RMDN2: variants seen among roughly 807,000 people sequenced by gnomAD.
RMDN2 encodes regulator of microtubule dynamics protein 2.
Under a neutral mutation model 52.8 loss-of-function variants are expected in RMDN2, and 61 were observed. The ratio of observed to expected loss-of-function variants is 1.16; its 90% CI spans 0.94 to 1.43. The LOEUF is 1.43. RMDN2 is among the 40% of genes most tolerant of loss of function. The probability of loss-of-function intolerance (pLI) is 0.00; values close to 1 mark genes in which losing one functional copy is unlikely to be tolerated. For synonymous variants in RMDN2, 180 were observed against 153.1 expected (o/e 1.18, Z -1.30); for missense variants, 592 against 475.3 (o/e 1.25, Z -2.28).
rs189664861 is a variant in RMDN2, at chr2:37,950,683, A to G, written c.452+20954A>G. On this transcript the variant is annotated intron_variant, in intron 2 of 10. Transcript: ENST00000354545. ...GCTTTAGTGCTCTCCTTTGTTTCCC[A>G]TAATAACTGGATATCCTGGACTGTC... The G allele has an allele frequency of 4.2e-5, 54 of 1,287,756 alleles. 1 individual carries two copies. In the African/African-American group the frequency reaches 5.4e-4, roughly 13 times the overall value. 79.8% of individuals were successfully genotyped at this position (1,287,756 alleles called of 1,614,324 possible).
chr2:38,038,583 C>T (rs1165723655), intron 10 of RMDN2, among the ~76,000 whole-genome samples: 1 of 152,210 alleles, frequency 6.6e-6, no homozygotes, highest in Non-Finnish European at 1.5e-5. Context: ...GCATGGTTTG[C>T]ACTCTTTTAT....
At chr2:37,939,047 C>G (rs148098451) in intron 2 of RMDN2, among the ~76,000 whole-genome samples, 2 of 152,090 alleles carry the variant, frequency 1.3e-5, no homozygotes, top group Admixed American at 6.5e-5. Context: ...CTATAAATTT[C>G]CCTCTAATCA....
intron 10 of RMDN2, chr2:38,066,900 C>A: frequency 1.5e-6 from 2 of 1,321,958 alleles, no homozygotes; most frequent in Non-Finnish European, 2.2e-6. Context: ...TACCTTCTGG[C>A]TGCTAAAGTG....
chr2:37,948,379 C>T (rs1475266729), intron 2 of RMDN2, among the ~76,000 whole-genome samples: 1 of 152,004 alleles, frequency 6.6e-6, no homozygotes, highest in Non-Finnish European at 1.5e-5. Flanking sequence ...TCATTGGGCA[C>T]AGTGAGTATA....
chr2:37,988,172 A>T (rs1674292757), intron 5 of RMDN2, among the ~76,000 whole-genome samples: 1 of 152,252 alleles, frequency 6.6e-6, no homozygotes, highest in Non-Finnish European at 1.5e-5. Context: ...GCTCCAAAAC[A>T]TAGTTTATTA....
intron 3 of RMDN2, among the ~76,000 whole-genome samples, chr2:37,974,446 G>A (rs939891083): frequency 6.7e-6 from 1 of 149,724 alleles, no homozygotes; most frequent in Non-Finnish European, 1.5e-5. Flanking sequence ...ATAAAAATGA[G>A]AACCAGAGCT....
intron 10 of RMDN2, among the ~76,000 whole-genome samples, chr2:38,027,590 G>C (rs186659353): frequency 7.0e-4 from 106 of 152,166 alleles, no homozygotes; most frequent in African/African-American, 2.5e-3. Flanking sequence ...TGACATACTT[G>C]TACTATGGAA....
At chr2:37,997,727 A>G in intron 8 of RMDN2, 1 of 491,404 alleles carries the variant, frequency 2.0e-6, no homozygotes, top group Non-Finnish European at 3.6e-6. Flanking sequence ...AGGTTCTAGG[A>G]ATTACAAACT....
chr2:37,978,882 G>T (rs1672934017), intron 4 of RMDN2, among the ~76,000 whole-genome samples: 2 of 152,202 alleles, frequency 1.3e-5, no homozygotes, highest in African/African-American at 4.8e-5. Flanking sequence ...GGAGGTTGAT[G>T]CAGGGAAGTC....
chr2:38,065,646 T>A (rs1479806227), intron 10 of RMDN2, among the ~76,000 whole-genome samples: 3 of 152,230 alleles, frequency 2.0e-5, no homozygotes, highest in Non-Finnish European at 4.4e-5. Flanking sequence ...ACGGAAGGGT[T>A]CTGATGAGCC....
chr2:37,977,255 AGTAACAATC>A (rs1412728191), intron 4 of RMDN2, among the ~76,000 whole-genome samples: 1 of 152,244 alleles, frequency 6.6e-6, no homozygotes, highest in Admixed American at 6.5e-5. Context: ...TTCTACACAC[AGTAACAATC>A]TGATCTCTCT....
chr2:37,962,669 T>A (rs1221976994), intron 2 of RMDN2, among the ~76,000 whole-genome samples: 9 of 152,068 alleles, frequency 5.9e-5, no homozygotes, highest in Non-Finnish European at 1.0e-4. Flanking sequence ...CCTGACTCCC[T>A]GGCTTTTGCC....
intron 2 of RMDN2, among the ~76,000 whole-genome samples, chr2:37,962,407 A>G (rs1670362169): frequency 6.6e-6 from 1 of 152,198 alleles, no homozygotes. Context: ...GGAGGAATCT[A>G]GAGAGGCAGT....
intron 2 of RMDN2, among the ~76,000 whole-genome samples, chr2:37,943,250 A>G (rs1258099355): frequency 1.3e-5 from 2 of 152,236 alleles, no homozygotes; most frequent in Non-Finnish European, 2.9e-5. Flanking sequence ...CCAGTACTGA[A>G]GAAGTGGACA....
At chr2:37,957,822 A>G (rs1022297958) in intron 2 of RMDN2, among the ~76,000 whole-genome samples, 5 of 152,100 alleles carry the variant, frequency 3.3e-5, no homozygotes, top group African/African-American at 9.7e-5. Flanking sequence ...TGATTTTTGT[A>G]TAAGGTATAA....
At chr2:37,965,017 G>A (rs970030895) in intron 2 of RMDN2, among the ~76,000 whole-genome samples, 3 of 152,026 alleles carry the variant, frequency 2.0e-5, no homozygotes, top group Non-Finnish European at 4.4e-5. Context: ...TTGACTTAAA[G>A]TCTATTTTGT....
intron 5 of RMDN2, among the ~76,000 whole-genome samples, chr2:37,987,993 A>G (rs1674264339): frequency 6.6e-6 from 1 of 152,194 alleles, no homozygotes; most frequent in Non-Finnish European, 1.5e-5. Context: ...TGGGAGGCAG[A>G]GGTTGCAGTG....
intron 10 of RMDN2, among the ~76,000 whole-genome samples, chr2:38,057,789 C>A (rs1039772627): frequency 2.1e-4 from 32 of 152,156 alleles, no homozygotes; most frequent in African/African-American, 7.7e-4. Context: ...GTAGCACCTT[C>A]CCCCTCCCTC....
chr2:37,956,675 A>G (rs1031432604), intron 2 of RMDN2, among the ~76,000 whole-genome samples: 1 of 150,172 alleles, frequency 6.7e-6, no homozygotes, highest in Non-Finnish European at 1.5e-5. Flanking sequence ...TTTTTATTAT[A>G]CTTTTAAGTT....
Sources: allele counts gnomAD v4.1 joint callset (sites outside exome capture counted in the v4.1 genomes callset), GRCh38; gene constraint gnomAD v4.1.1; transcripts MANE v1.5; gene names NCBI Gene and HGNC (gene_info 2026-07-23, HGNC 2026-07-21).